The following MAP3K19 variants were observed in gnomAD, a reference collection of about 807,000 sequenced individuals.
MAP3K19 encodes mitogen-activated protein kinase kinase kinase 19, also known as SPS1/STE20-related protein kinase YSK4.
A neutral mutation model predicts 114.4 loss-of-function variants in MAP3K19; 91 were observed. The observed-to-expected ratio is 0.80, with a 90% CI of 0.67 to 0.95. MAP3K19 has a LOEUF of 0.95. MAP3K19 is among the 40% of genes least tolerant of loss of function. The probability of loss-of-function intolerance (pLI) is 0.00; values close to 1 mark genes in which losing one functional copy is unlikely to be tolerated. For synonymous variants in MAP3K19, 518 were observed against 530.5 expected (o/e 0.98, Z 0.32); for missense variants, 1,471 against 1,573.2 (o/e 0.94, Z 1.10).
At chr2:134,969,335 G>A (rs1427105773) in intron 12 of MAP3K19, among the ~76,000 whole-genome samples, 1 of 152,130 alleles carries the variant, frequency 6.6e-6, no homozygotes, top group Non-Finnish European at 1.5e-5. Flanking sequence ...ATCAGAGGGA[G>A]ACCGTGGAAA....
At chr2:135,037,451 T>C (rs540911789) in intron 2 of MAP3K19, among the ~76,000 whole-genome samples, 21 of 152,272 alleles carry the variant, frequency 1.4e-4, no homozygotes, top group Non-Finnish European at 1.5e-4. Context: ...ATGAGACAAA[T>C]TGATGAATTT....
At chr2:134,983,172 G>A in intron 11 of MAP3K19, 1 of 531,806 alleles carries the variant, frequency 1.9e-6, no homozygotes, top group Non-Finnish European at 3.9e-6. Flanking sequence ...CTGTATGTTT[G>A]TACCCACCTC....
chr2:135,043,711 G>A lies in MAP3K19; in HGVS notation c.-423-3209C>T, dbSNP rs578138472. Among the ~76,000 whole-genome samples, 33 of 152,258 alleles carry A rather than the reference G, an allele frequency of 2.2e-4. No individual in the cohort carries two copies. The East Asian group carries it at 6.2e-3, about 29-fold the overall frequency. On this transcript the variant is annotated intron_variant, in intron 1 of 12. Coordinates refer to ENST00000392915, the MANE Select transcript of MAP3K19 (RefSeq NM_025052.5). Reference sequence around the variant, plus strand: ...TGACATGCATCCACCATTTTAGAAGGTACAGAATAGTTCCATGGCCCTAAA... The same window carrying A: ...TGACATGCATCCACCATTTTAGAAGATACAGAATAGTTCCATGGCCCTAAA...
At chr2:134,990,705 A>G (rs115475908) in intron 9 of MAP3K19, among the ~76,000 whole-genome samples, 42,669 of 151,680 alleles carry the variant, frequency 0.28, 6,618 homozygotes, top group Middle Eastern at 0.62. Flanking sequence ...TCGATCTCTT[A>G]TCCTCGTGAA....
chr2:135,042,957 C>T (rs1688675201), intron 1 of MAP3K19, among the ~76,000 whole-genome samples: 1 of 151,968 alleles, frequency 6.6e-6, no homozygotes, highest in African/African-American at 2.4e-5. Flanking sequence ...GTGGCGCGCA[C>T]CTGTAATCCC....
chr2:134,969,382 G>GAGGGAGAGGGAA (rs1162134867), intron 12 of MAP3K19, among the ~76,000 whole-genome samples: 4 of 152,070 alleles, frequency 2.6e-5, no homozygotes, highest in Non-Finnish European at 5.9e-5. Context: ...AGGGAGACGA[G>GAGGGAGAGGGAA]AGGGAGAGGG....
chr2:135,024,796 G>A, intron 3 of MAP3K19, 55 bp from the exon 4 acceptor site: 4 of 636,178 alleles, frequency 6.3e-6, no homozygotes, highest in East Asian at 2.7e-5. Context: ...GTTGAAAAAA[G>A]AAAACTAATA....
chr2:134,969,597 T>C (rs533998144), intron 12 of MAP3K19, among the ~76,000 whole-genome samples: 3 of 152,300 alleles, frequency 2.0e-5, no homozygotes, highest in South Asian at 4.1e-4. Flanking sequence ...TTTTCTCCCA[T>C]TCAACAGGTC....
chr2:134,983,615 G>C (rs1684864055), intron 11 of MAP3K19, 61 bp downstream of exon 11: 3 of 1,254,926 alleles, frequency 2.4e-6, no homozygotes, highest in Non-Finnish European at 2.2e-6. Context: ...AGTGGGAGGG[G>C]TGGAGGGAGG....
At chr2:134,970,179 G>A (rs948877963) in intron 12 of MAP3K19, among the ~76,000 whole-genome samples, 3 of 151,960 alleles carry the variant, frequency 2.0e-5, no homozygotes, top group African/African-American at 7.3e-5. Context: ...AAATTACATT[G>A]GTATTTTTGC....
chr2:135,023,039 A>G (rs1236936869), intron 4 of MAP3K19, among the ~76,000 whole-genome samples: 1 of 152,184 alleles, frequency 6.6e-6, no homozygotes, highest in African/African-American at 2.4e-5. Context: ...GCTTCTTTCA[A>G]CAAAAACTCC....
rs986506391 is a variant in MAP3K19, at chr2:134,986,322, G to A, written c.2550C>T (p.Ile850=). 5 of 1,613,804 alleles carry A rather than the reference G, an allele frequency of 3.1e-6. No homozygotes were observed. Among genetic ancestry groups the A allele is most frequent in the Non-Finnish European group, 4.2e-6 (5 of 1,179,934 alleles). The change falls in exon 10 of 13, where the codon ATC becomes ATT. Residue 850 remains isoleucine (I), a synonymous_variant. Coordinates refer to ENST00000392915, the MANE Select transcript of MAP3K19 (RefSeq NM_025052.5). ...GCACTGCCCAGCTGTCTTCTGAAGG[G>A]ATAAATGGGATCTGGTGATGTAGCT... is the stretch of plus-strand genomic sequence containing the variant. The part of the protein sequence containing the change: ...LEELHHQIPF[I]PSEDSWAVPS...
intron 1 of MAP3K19, among the ~76,000 whole-genome samples, chr2:135,043,239 T>C (rs1688680588): frequency 6.6e-6 from 1 of 152,002 alleles, no homozygotes; most frequent in African/African-American, 2.4e-5. Context: ...AGACAATAGA[T>C]GAGGTCAGCA....
At chr2:134,983,404 G>A in intron 11 of MAP3K19, 1 of 560,160 alleles carries the variant, frequency 1.8e-6, no homozygotes, top group Non-Finnish European at 3.4e-6. Flanking sequence ...GCCAGGCAAA[G>A]AGAGAGAGAG....
Position 134,999,290 on chromosome 2 carries a change from A to C in MAP3K19, c.315-293T>G, listed in dbSNP as rs567590741. The stretch of plus-strand genomic sequence containing the variant: ...CAGAGACCAAGGGCAGGCCTGGGGG[A>C]TGTACCCTTTTATCTCCACAGGTAC... On this transcript the variant is annotated intron_variant, in intron 7 of 12. Coordinates refer to ENST00000392915, the MANE Select transcript of MAP3K19 (RefSeq NM_025052.5). This position sits in a 1 kb window ranked among gnomAD's most constrained non-coding sequence, Gnocchi z 4.1. 2.6e-5 allele frequency among the ~76,000 whole-genome samples: 4 copies of C among 152,254 alleles called. No individual in the cohort carries two copies. The highest frequency in any genetic ancestry group is 5.9e-5 in the Non-Finnish European group (4 of 68,026).
At chr2:135,018,949 G>A (rs1687779851) in intron 5 of MAP3K19, among the ~76,000 whole-genome samples, 1 of 152,132 alleles carries the variant, frequency 6.6e-6, no homozygotes, top group Non-Finnish European at 1.5e-5. Context: ...GCCAGGCGTG[G>A]TGGTGGGCAC....
intron 9 of MAP3K19, among the ~76,000 whole-genome samples, chr2:134,989,654 T>C (rs1685417200): frequency 6.6e-6 from 1 of 152,114 alleles, no homozygotes; most frequent in Non-Finnish European, 1.5e-5. Context: ...AAAAGAAGGG[T>C]CAGGTAGTTG....
At chr2:135,044,193 G>A (rs950829028) in intron 1 of MAP3K19, among the ~76,000 whole-genome samples, 1 of 152,150 alleles carries the variant, frequency 6.6e-6, no homozygotes, top group Non-Finnish European at 1.5e-5. Context: ...AACACCATCA[G>A]AACAGTTGTA....
chr2:134,968,535 C>T (rs1372856803), intron 12 of MAP3K19, among the ~76,000 whole-genome samples: 1 of 142,204 alleles, frequency 7.0e-6, no homozygotes. Flanking sequence ...CGGGCGGAGA[C>T]GCTCCTCACT....
Sources: gnomAD v4.1 joint callset for allele counts (sites outside exome capture counted in the v4.1 genomes callset) on GRCh38, gnomAD v4.1.1 for gene constraint, Gnocchi (gnomAD v3.1) non-coding constraint, MANE v1.5 for transcripts, NCBI Gene and HGNC (gene_info 2026-07-23, HGNC 2026-07-21) for gene names.